Variants in KIF6 observed in about 807,000 individuals in gnomAD.
KIF6 encodes kinesin-like protein KIF6.
Under a neutral mutation model 112.7 loss-of-function variants are expected in KIF6, and 106 were observed. The observed-to-expected ratio is 0.94, with a 90% CI of 0.80 to 1.11. KIF6 has a LOEUF of 1.11. Among genes scored for constraint, KIF6 ranks in the 50% least tolerant of loss-of-function variants. KIF6 has a pLI of 0.00. For synonymous variants in KIF6, 339 were observed against 339.9 expected (o/e 1.00, Z 0.03); for missense variants, 929 against 964.0 (o/e 0.96, Z 0.48).
chr6:39,353,845 G>A, intron 19 of KIF6: 1 of 473,488 alleles, frequency 2.1e-6, no homozygotes, highest in Non-Finnish European at 3.7e-6. Flanking sequence ...CTTCAGGATG[G>A]CACTATGCCA....
chr6:39,450,050 T>C lies in KIF6; in HGVS notation c.1646-18889A>G, dbSNP rs901334974. 7.9e-5 allele frequency among the ~76,000 whole-genome samples: 12 copies of C among 152,294 alleles called. No individual in the cohort carries two copies. In the South Asian group the frequency reaches 1.5e-3, roughly 18 times the overall value. On this transcript the variant is annotated intron_variant, in intron 13 of 22. Coordinates refer to ENST00000287152, the MANE Select transcript of KIF6 (RefSeq NM_145027.6). Reference sequence around the variant, plus strand: ...TTATTTTTATTTTCTACATTTTAACTCCATGAATAATTCTCTCCAAAGGGG... The same window carrying C: ...TTATTTTTATTTTCTACATTTTAACCCCATGAATAATTCTCTCCAAAGGGG...
At position 39,342,883 on chromosome 6, in the gene KIF6, G is replaced by A; in HGVS notation, c.2428+826C>T. ...CGGCTGGTGGAGAAGCTGAGTGCAGGCGCCACAGGGCAGGCATCAGTCATT... is the reference window on the plus strand; with the variant it reads ...CGGCTGGTGGAGAAGCTGAGTGCAGACGCCACAGGGCAGGCATCAGTCATT... On this transcript the variant is annotated intron_variant, in intron 22 of 22. Transcript: ENST00000287152. The surrounding 1 kb of genome is among the most constrained non-coding windows in gnomAD (Gnocchi z 4.7). 1.0e-6 allele frequency: 1 copy of A among 985,392 alleles called. No homozygotes were observed. Among genetic ancestry groups the A allele is most frequent in the Non-Finnish European group, 1.2e-6 (1 of 829,916 alleles). 61.0% of individuals were successfully genotyped at this position (985,392 alleles called of 1,614,324 possible). A position where few individuals can be genotyped will look rare whatever the true frequency, so the allele number is the denominator to read the frequency against.
chr6:39,440,731 G>T (rs918332084), intron 13 of KIF6, among the ~76,000 whole-genome samples: 1 of 152,172 alleles, frequency 6.6e-6, no homozygotes, highest in African/African-American at 2.4e-5. Flanking sequence ...ACAAGGCAGA[G>T]CTGAGGAAGG....
At chr6:39,511,846 A>G (rs1776806072) in intron 13 of KIF6, among the ~76,000 whole-genome samples, 1 of 152,262 alleles carries the variant, frequency 6.6e-6, no homozygotes, top group Admixed American at 6.5e-5. Flanking sequence ...ACACAAGGAC[A>G]GAAAACCAAA....
chr6:39,336,833 G>A (rs1047395039), intron 22 of KIF6, among the ~76,000 whole-genome samples: 2 of 150,886 alleles, frequency 1.3e-5, no homozygotes, highest in Non-Finnish European at 2.9e-5. Context: ...ATGGAGTCTC[G>A]CTCTGTCACC....
At chr6:39,410,120 T>G (rs1769377494) in intron 15 of KIF6, among the ~76,000 whole-genome samples, 1 of 152,256 alleles carries the variant, frequency 6.6e-6, no homozygotes, top group Admixed American at 6.5e-5. Context: ...CTTACCAATA[T>G]GCCCCTGTGG....
At chr6:39,497,381 A>G (rs1775846260) in intron 13 of KIF6, among the ~76,000 whole-genome samples, 1 of 152,220 alleles carries the variant, frequency 6.6e-6, no homozygotes, top group African/African-American at 2.4e-5. Flanking sequence ...TCATTAGCCA[A>G]GTCTGGGGAA....
At chr6:39,393,894 G>A (rs570533420) in intron 15 of KIF6, among the ~76,000 whole-genome samples, 4 of 152,214 alleles carry the variant, frequency 2.6e-5, no homozygotes, top group East Asian at 3.9e-4. Flanking sequence ...TTCACAATTC[G>A]ACAGAAGCCA....
chr6:39,720,150 T>C (rs1206560811), intron 2 of KIF6, among the ~76,000 whole-genome samples: 1 of 152,202 alleles, frequency 6.6e-6, no homozygotes, highest in Non-Finnish European at 1.5e-5. Flanking sequence ...ACATTCTTTT[T>C]CCTTCATGCT....
intron 13 of KIF6, among the ~76,000 whole-genome samples, chr6:39,469,011 T>C (rs1773969812): frequency 6.6e-6 from 1 of 151,968 alleles, no homozygotes; most frequent in African/African-American, 2.4e-5. Context: ...AATACATACA[T>C]ACACACATAC....
intron 3 of KIF6, among the ~76,000 whole-genome samples, chr6:39,653,630 G>C (rs1240800790): frequency 2.0e-5 from 3 of 152,170 alleles, no homozygotes; most frequent in African/African-American, 7.2e-5. Context: ...AACTTGTAAT[G>C]AGTGACTAAA....
intron 10 of KIF6, among the ~76,000 whole-genome samples, chr6:39,563,055 A>C (rs1245291555): frequency 6.6e-6 from 1 of 152,196 alleles, no homozygotes; most frequent in Non-Finnish European, 1.5e-5. Context: ...AGCCTGGCCA[A>C]TATGGTGAAA....
chr6:39,537,026 TA>T (rs1214585821), intron 13 of KIF6, among the ~76,000 whole-genome samples: 1 of 152,238 alleles, frequency 6.6e-6, no homozygotes, highest in African/African-American at 2.4e-5. Context: ...TGCTTCATGC[TA>T]AAAACTCTCA....
At chr6:39,442,024 G>A (rs1047701309) in intron 13 of KIF6, among the ~76,000 whole-genome samples, 1 of 152,168 alleles carries the variant, frequency 6.6e-6, no homozygotes, top group African/African-American at 2.4e-5. Flanking sequence ...CCCACCCAAT[G>A]GTGGCACCAC....
Position 39,610,433 on chromosome 6 carries a change from G to C in KIF6, c.639+2756C>G, listed in dbSNP as rs565311546. Reference sequence around the variant, plus strand: ...GTCCCACATATTCAGACTTTGTTTTGCAAATGTTTTCTGGTTACCAAGGCA... The same window carrying C: ...GTCCCACATATTCAGACTTTGTTTTCCAAATGTTTTCTGGTTACCAAGGCA... On this transcript the variant is annotated intron_variant, in intron 6 of 22. Transcript: ENST00000287152. Among the ~76,000 whole-genome samples, 3 of 152,290 alleles carry C rather than the reference G, an allele frequency of 2.0e-5. No homozygotes were observed. The South Asian group carries it at 6.2e-4, about 32-fold the overall frequency.
At chr6:39,639,127 T>C (rs373184985) in intron 4 of KIF6, among the ~76,000 whole-genome samples, 1 of 152,126 alleles carries the variant, frequency 6.6e-6, no homozygotes, top group East Asian at 1.9e-4. Context: ...AAATGATACA[T>C]ATAATCTAGA....
At chr6:39,631,059 G>T (rs561700820) in intron 5 of KIF6, among the ~76,000 whole-genome samples, 27 of 152,016 alleles carry the variant, frequency 1.8e-4, no homozygotes, top group Non-Finnish European at 3.7e-4. Context: ...ATACATTTTT[G>T]AATATAATCT....
intron 15 of KIF6, among the ~76,000 whole-genome samples, chr6:39,407,602 A>G (rs1176857962): frequency 6.6e-6 from 1 of 152,242 alleles, no homozygotes; most frequent in Non-Finnish European, 1.5e-5. Context: ...AAAAATATTC[A>G]TGCATCATTG....
At chr6:39,691,663 A>G (rs1788218250) in intron 3 of KIF6, 1 of 152,352 alleles carries the variant, frequency 6.6e-6, no homozygotes, top group South Asian at 2.1e-4. Context: ...TTATGAGAAA[A>G]ACATGTTTAC....
Sources: allele counts gnomAD v4.1 joint callset (sites outside exome capture counted in the v4.1 genomes callset), GRCh38; gene constraint gnomAD v4.1.1; non-coding constraint Gnocchi (gnomAD v3.1); transcripts MANE v1.5; gene names NCBI Gene and HGNC (gene_info 2026-07-23, HGNC 2026-07-21).